Variants in RYR3 observed in about 807,000 individuals in gnomAD.
RYR3 encodes the protein ryanodine receptor 3, also known as brain ryanodine receptor-calcium release channel.
RYR3 carries 207 observed loss-of-function variants against 584.3 expected under a neutral mutation model. The ratio of observed to expected loss-of-function variants is 0.35; its 90% CI spans 0.32 to 0.40. RYR3 has a LOEUF of 0.40. Ranked by LOEUF, RYR3 falls within the 10% of genes least tolerant of loss-of-function variation. The probability of loss-of-function intolerance (pLI) is 1.00; values close to 1 mark genes in which losing one functional copy is unlikely to be tolerated. For synonymous variants in RYR3, 2,416 were observed against 2,248.5 expected, an observed-to-expected ratio of 1.07 and a Z score of -2.11; for missense variants, 5,616 against 6,089.2, an observed-to-expected ratio of 0.92 and a Z score of 2.59.
intron 36 of RYR3, among the ~76,000 whole-genome samples, chr15:33,666,669 A>G (rs1436491428): frequency 1.3e-5 from 2 of 152,232 alleles, no homozygotes; most frequent in Non-Finnish European, 2.9e-5. Flanking sequence ...TTTAAGCCCT[A>G]TGTCCAGAGA....
At chr15:33,604,141 G>A (rs1479206909) in intron 18 of RYR3, among the ~76,000 whole-genome samples, 6 of 152,216 alleles carry the variant, frequency 3.9e-5, no homozygotes, top group East Asian at 1.9e-4. Context: ...AATTGGAGAC[G>A]TCGCGTCCCT....
chr15:33,764,269 C>G (rs908536841), intron 60 of RYR3, among the ~76,000 whole-genome samples: 2 of 152,142 alleles, frequency 1.3e-5, no homozygotes, highest in Non-Finnish European at 1.5e-5. Context: ...GAGTTCATGT[C>G]CTTTGCAGAG....
chr15:33,488,732 G>A (rs1567352006), intron 2 of RYR3, among the ~76,000 whole-genome samples: 2 of 152,074 alleles, frequency 1.3e-5, no homozygotes, highest in East Asian at 1.9e-4. Context: ...CGTGCCTATA[G>A]TTCCAGCTAT....
rs764220917 is a variant in RYR3, at chr15:33,662,963, G to A, written c.5418+15G>A. The A allele has an allele frequency of 3.1e-6, 5 of 1,603,838 alleles. No individual in the cohort carries two copies. The African/African-American group carries it at 5.4e-5, about 17-fold the overall frequency. The stretch of plus-strand genomic sequence containing the variant: ...TCAAGCTGCAGGTAAGCTGCAGGTG[G>A]TTAAGTGGAGGCAGGTTAATAGATC... On this transcript the variant is annotated intron_variant, in intron 35 of 103. Transcript: ENST00000634891.
chr15:33,853,148 A>C, intron 95 of RYR3, 61 bp downstream of exon 95: 1 of 1,370,256 alleles, frequency 7.3e-7, no homozygotes, highest in East Asian at 2.3e-5. Flanking sequence ...TATGTTTTTT[A>C]AGTTCTCCAC....
intron 2 of RYR3, among the ~76,000 whole-genome samples, chr15:33,489,013 C>G (rs1402416024): frequency 6.6e-6 from 1 of 152,120 alleles, no homozygotes; most frequent in South Asian, 2.1e-4. Flanking sequence ...ACAAATCATA[C>G]TACTGTTTTG....
rs1333654801 is a variant in RYR3, at chr15:33,807,561, C to G, written c.10018C>G (p.Gln3340Glu). Residue 3340 changes from glutamine to glutamate, a missense_variant, in exon 70 of 104, where the codon CAA becomes GAA. Physicochemically the swap from Gln to Glu is conservative, Grantham distance 29 (BLOSUM62 2). Transcript: ENST00000634891. Reference protein sequence around the residue: ...DSKSKMSKAMQVKSGGQDQER... With the variant: ...DSKSKMSKAMEVKSGGQDQER... Reference sequence around the variant, plus strand: ...CTTTTGTCTTTCCACACAGGCCATGCAAGTAAAGGTACAGGTCAAATGCAT... The same window carrying G: ...CTTTTGTCTTTCCACACAGGCCATGGAAGTAAAGGTACAGGTCAAATGCAT... The G allele has an allele frequency of 6.4e-7, 1 of 1,551,920 alleles. No individual in the cohort carries two copies. Among genetic ancestry groups the G allele is most frequent in the Non-Finnish European group, 8.7e-7 (1 of 1,147,036 alleles).
At chr15:33,646,305 G>A in intron 28 of RYR3, 46 bp from the exon 29 acceptor site, 3 of 1,531,008 alleles carry the variant, frequency 2.0e-6, no homozygotes, top group East Asian at 2.3e-5. Context: ...CTGGGTCAAG[G>A]TCAGGCCCTT....
At chr15:33,773,659 A>G (rs1262376373) in intron 64 of RYR3, 44 bp downstream of exon 64, 1 of 1,287,660 alleles carries the variant, frequency 7.8e-7, no homozygotes, top group Non-Finnish European at 1.1e-6. Flanking sequence ...GCATAGTAAA[A>G]TGTTACTTAC....
chr15:33,861,406 G>C (rs1243608641), intron 102 of RYR3, among the ~76,000 whole-genome samples: 1 of 151,846 alleles, frequency 6.6e-6, no homozygotes, highest in Non-Finnish European at 1.5e-5. Context: ...CCTGTGATTG[G>C]ATTCCATCCG....
chr15:33,746,144 C>A lies in RYR3; in HGVS notation c.7976C>A (p.Thr2659Lys). The change falls in exon 53 of 104, where the codon ACA becomes AAA. Residue 2659 changes from threonine (T) to lysine (K), a missense_variant. This residue lies in a region of RYR3 where 1,280 missense variants were observed against 1,426.2 expected (regional missense o/e 0.90). Transcript: ENST00000634891. ...KTHPLIRPFK[T>K]LTEKEKEIYR... ...CACCCACTGATAAGGCCTTTCAAGACATTAACGGAGAAGGTAAGAAGCAGG... is the reference window on the plus strand; with the variant it reads ...CACCCACTGATAAGGCCTTTCAAGAAATTAACGGAGAAGGTAAGAAGCAGG... The A allele has an allele frequency of 6.3e-7, 1 of 1,594,344 alleles. No homozygotes were observed. The highest frequency in any genetic ancestry group is 8.5e-7 in the Non-Finnish European group (1 of 1,169,638).
intron 2 of RYR3, among the ~76,000 whole-genome samples, chr15:33,476,095 C>T (rs1191447045): frequency 6.6e-6 from 1 of 152,126 alleles, no homozygotes; most frequent in African/African-American, 2.4e-5. Context: ...AGAAAGACCA[C>T]GGATCAGCCC....
At chr15:33,347,803 C>T (rs373144592) in intron 1 of RYR3, among the ~76,000 whole-genome samples, 121 of 152,228 alleles carry the variant, frequency 7.9e-4, no homozygotes, top group Admixed American at 1.4e-3. Flanking sequence ...CTTTCTGACA[C>T]TAGAAGGTAT....
chr15:33,572,456 C>G (rs781674800), intron 12 of RYR3, among the ~76,000 whole-genome samples: 1 of 151,094 alleles, frequency 6.6e-6, no homozygotes, highest in African/African-American at 2.4e-5. Context: ...TCTGCTTGTG[C>G]GGGAATGAAT....
At chr15:33,820,573 G>A in intron 77 of RYR3, 183 bp from the exon 78 acceptor site, 1 of 575,034 alleles carries the variant, frequency 1.7e-6, no homozygotes, top group Non-Finnish European at 3.1e-6. Flanking sequence ...TAACTGCGAA[G>A]ATGGCATTTA....
chr15:33,811,001 A>C lies in RYR3; in HGVS notation c.10221A>C (p.Arg3407Ser), dbSNP rs975799651. 5.0e-6 allele frequency: 8 copies of C among 1,609,334 alleles called. No homozygotes were observed. Among genetic ancestry groups the C allele is most frequent in the Non-Finnish European group, 5.9e-6 (7 of 1,178,042 alleles). The change falls in exon 72 of 104, where the codon AGA (arginine) becomes AGC (serine). Residue 3407 changes from arginine (R) to serine (S), a missense_variant. Arg to Ser is a moderately radical substitution (Grantham distance 110). Transcript: ENST00000634891. ...YSHRDTDEEV[R>S]EHLRNNLHLQ... ...AGAGGGACACAGATGAAGAGGTCAG[A>C]GAACATCTGCGGAACAACTTGCACT...
chr15:33,625,733 T>A (rs2060951398), intron 20 of RYR3, among the ~76,000 whole-genome samples: 1 of 152,012 alleles, frequency 6.6e-6, no homozygotes, highest in Admixed American at 6.5e-5. Context: ...TGGTGAAAAA[T>A]AAATGATTCC....
At chr15:33,571,101 A>G (rs376974286) in intron 12 of RYR3, among the ~76,000 whole-genome samples, 11 of 149,044 alleles carry the variant, frequency 7.4e-5, no homozygotes, top group African/African-American at 2.4e-4. Flanking sequence ...CATCCACTAC[A>G]ATGTGGAATA....
At chr15:33,487,588 A>G (rs998033240) in intron 2 of RYR3, among the ~76,000 whole-genome samples, 2 of 152,176 alleles carry the variant, frequency 1.3e-5, no homozygotes, top group African/African-American at 2.4e-5. Flanking sequence ...TTCACTAAGA[A>G]TGTTCAATCT....
Sources: allele counts gnomAD v4.1 joint callset (sites outside exome capture counted in the v4.1 genomes callset), GRCh38; gene constraint gnomAD v4.1.1; regional missense constraint gnomAD v4.1.1; transcripts MANE v1.5; gene names NCBI Gene and HGNC (gene_info 2026-07-23, HGNC 2026-07-21).